The following LTBP2 variants were observed in gnomAD, a reference collection of about 807,000 sequenced individuals.
LTBP2 encodes latent transforming growth factor beta binding protein 2, also known as latent-transforming growth factor beta-binding protein 2.
Under a neutral mutation model 210.6 loss-of-function variants are expected in LTBP2, and 103 were observed. The ratio of observed to expected loss-of-function variants is 0.49; its 90% CI spans 0.42 to 0.58. The LOEUF (loss-of-function observed/expected upper bound fraction) is 0.58. Ranked by LOEUF, LTBP2 falls within the 20% of genes least tolerant of loss-of-function variation. LTBP2 has a pLI of 0.00. For missense variants in LTBP2, 2,313 were observed against 2,494.5 expected (o/e 0.93, Z 1.55); for synonymous variants, 1,007 against 1,015.0 (o/e 0.99, Z 0.15).
At chr14:74,514,384 G>A (rs2087108954) in intron 18 of LTBP2, among the ~76,000 whole-genome samples, 1 of 152,148 alleles carries the variant, frequency 6.6e-6, no homozygotes, top group Non-Finnish European at 1.5e-5. Context: ...TCATCTTTTT[G>A]GTATAAGGCT....
intron 2 of LTBP2, among the ~76,000 whole-genome samples, chr14:74,589,747 G>C (rs1303301442): frequency 6.6e-6 from 1 of 152,194 alleles, no homozygotes; most frequent in Admixed American, 6.5e-5. Flanking sequence ...AGTGAACATG[G>C]AGGAAGCAGA....
intron 15 of LTBP2, among the ~76,000 whole-genome samples, chr14:74,524,584 G>A (rs2087247880): frequency 6.6e-6 from 1 of 152,158 alleles, no homozygotes; most frequent in African/African-American, 2.4e-5. Flanking sequence ...AGAGCAAGGT[G>A]GATTTGCCAG....
intron 8 of LTBP2, among the ~76,000 whole-genome samples, chr14:74,548,358 C>T (rs1427010336): frequency 6.6e-6 from 1 of 152,092 alleles, no homozygotes; most frequent in Non-Finnish European, 1.5e-5. Context: ...CCTCTTCATT[C>T]CTGATGCCTA....
At position 74,502,881 on chromosome 14, in the gene LTBP2, C is replaced by T. The variant is rs370119182; in HGVS notation, c.4942G>A (p.Gly1648Arg). 4.3e-5 allele frequency: 69 copies of T among 1,613,408 alleles called. No homozygotes were observed. Among genetic ancestry groups the T allele is most frequent in the African/African-American group, 1.2e-4 (9 of 75,024 alleles). Residue 1648 changes from glycine (G) to arginine (R), a missense_variant, in exon 34 of 36, where the codon GGG becomes AGG. By Grantham distance (125) the Gly-to-Arg change is moderately radical. Transcript: ENST00000261978. Reference protein sequence around the residue: ...VARIEAEREAGVHFRPGYEYG... With the variant: ...VARIEAEREARVHFRPGYEYG... ...TCATAGCCTGGCCGGAAGTGGACCCCGGCCTCCCGCTCTGCCTCAATGCGA... is the reference window on the plus strand; with the variant it reads ...TCATAGCCTGGCCGGAAGTGGACCCTGGCCTCCCGCTCTGCCTCAATGCGA...
At chr14:74,536,372 G>A (rs565434081) in intron 8 of LTBP2, among the ~76,000 whole-genome samples, 1 of 152,160 alleles carries the variant, frequency 6.6e-6, no homozygotes, top group Non-Finnish European at 1.5e-5. Flanking sequence ...AGATACAGGA[G>A]GAATAAGTTC....
intron 1 of LTBP2, among the ~76,000 whole-genome samples, chr14:74,604,063 A>G (rs534989206): frequency 6.6e-6 from 1 of 150,636 alleles, no homozygotes; most frequent in South Asian, 2.2e-4. Flanking sequence ...AGAGAGGTTC[A>G]GTGACTTGCC....
intron 22 of LTBP2, 80 bp downstream of exon 22, chr14:74,509,158 C>T (rs939713467): frequency 6.2e-7 from 1 of 1,602,582 alleles, no homozygotes; most frequent in African/African-American, 1.3e-5. Flanking sequence ...GCCTCAGCAG[C>T]CCCCCACCTG....
intron 3 of LTBP2, among the ~76,000 whole-genome samples, chr14:74,585,563 G>A (rs1316777629): frequency 3.9e-5 from 6 of 152,190 alleles, no homozygotes; most frequent in Admixed American, 3.9e-4. Context: ...CCAAGAAGCC[G>A]TGGTCCCAGG....
At position 74,510,230 on chromosome 14, in the gene LTBP2, C is replaced by T; in HGVS notation, c.3029-17G>A. On this transcript the variant is annotated splice_polypyrimidine_tract_variant and intron_variant, in intron 19 of 35. Transcript: ENST00000261978. ...CATTCACATCTGTGGGAGAGAAGTC[C>T]AAGACGGTGGGCTGGCCTCCTCCCC... 1 of 1,612,676 alleles carries T rather than the reference C, an allele frequency of 6.2e-7. No homozygotes were observed. The highest frequency in any genetic ancestry group is 1.3e-5 in the African/African-American group (1 of 75,054).
intron 8 of LTBP2, among the ~76,000 whole-genome samples, chr14:74,536,889 TTTTA>T (rs898181766): frequency 6.6e-5 from 10 of 152,168 alleles, no homozygotes; most frequent in Admixed American, 2.0e-4. Context: ...TATATACAAT[TTTTA>T]TTTGTCAATT....
rs2087156351 is a variant in LTBP2 at position 74,518,020 on chromosome 14, C to T, written c.2789-1079G>A. On this transcript the variant is annotated intron_variant, in intron 17 of 35. Transcript: ENST00000261978. ...CAAGCCTTTGTTCACACAAATGCTT[C>T]CACCTGGAGTCTCTTTCCTCACGAT... is the stretch of plus-strand genomic sequence containing the variant. Among the ~76,000 whole-genome samples, 5 of 152,228 alleles carry T rather than the reference C, an allele frequency of 3.3e-5. No homozygotes were observed. In the South Asian group the frequency reaches 1.0e-3, roughly 31 times the overall value.
At position 74,553,047 on chromosome 14, in the gene LTBP2, T is replaced by C. The variant is rs2087681953; in HGVS notation, c.1037A>G (p.Glu346Gly). The C allele has an allele frequency of 6.2e-7, 1 of 1,613,988 alleles. No individual in the cohort carries two copies. The highest frequency in any genetic ancestry group is 1.3e-5 in the African/African-American group (1 of 74,884). Residue 346 changes from glutamate (E) to glycine (G), a missense_variant, in exon 5 of 36, where the codon GAG (glutamate) becomes GGG (glycine). This residue lies in a region of LTBP2 where 1,867 missense variants were observed against 1,976.9 expected (regional missense o/e 0.94). Coordinates refer to ENST00000261978, the MANE Select transcript of LTBP2 (RefSeq NM_000428.3). ...GACGATCTTGATCTTCTTGATTTTC[T>C]CCGTGAGGTTCAGCCCTGCAGAGAG... is the stretch of plus-strand genomic sequence containing the variant. ...PSSPWGLNLT[E>G]KIKKIKIVFT...
chr14:74,568,975 C>T (rs973980802), intron 3 of LTBP2, among the ~76,000 whole-genome samples: 8 of 152,110 alleles, frequency 5.3e-5, no homozygotes, highest in Non-Finnish European at 1.2e-4. Context: ...CCCTACCTAC[C>T]CCTATTACCC....
At chr14:74,578,887 C>T (rs2088098150) in intron 3 of LTBP2, among the ~76,000 whole-genome samples, 3 of 152,208 alleles carry the variant, frequency 2.0e-5, no homozygotes, top group Non-Finnish European at 4.4e-5. Context: ...CAGAGTTTTG[C>T]TCTTGTTGCC....
chr14:74,602,393 C>CAGCAGT (rs530409724), intron 2 of LTBP2, among the ~76,000 whole-genome samples: 4 of 152,030 alleles, frequency 2.6e-5, no homozygotes, highest in African/African-American at 9.7e-5. Context: ...GCAGTAGCAG[C>CAGCAGT]AGCAGTGACA....
intron 34 of LTBP2, 126 bp from the exon 35 acceptor site, chr14:74,501,716 G>C: frequency 8.5e-7 from 1 of 1,179,398 alleles, no homozygotes; most frequent in Non-Finnish European, 1.2e-6. Flanking sequence ...GGGCAGAGAG[G>C]ATCATAAAAT....
rs1327109579 is a variant in LTBP2 at position 74,508,742 on chromosome 14, G to A, written c.3527-13C>T. The A allele has an allele frequency of 6.2e-7, 1 of 1,613,546 alleles. No individual in the cohort carries two copies. The highest frequency in any genetic ancestry group is 8.5e-7 in the Non-Finnish European group (1 of 1,179,764). On this transcript the variant is annotated splice_polypyrimidine_tract_variant and intron_variant, in intron 23 of 35. Coordinates refer to ENST00000261978, the MANE Select transcript of LTBP2 (RefSeq NM_000428.3). Reference sequence around the variant, plus strand: ...CACTCATTCACATCTGCAGGGAAAAGATGGGGAGTGGGTGTCTGCTGGGGA... The same window carrying A: ...CACTCATTCACATCTGCAGGGAAAAAATGGGGAGTGGGTGTCTGCTGGGGA...
Position 74,511,294 on chromosome 14 carries a change from A to G in LTBP2, c.2979T>C (p.Thr993=), listed in dbSNP as rs767867217. 1.9e-6 allele frequency: 3 copies of G among 1,614,028 alleles called. No individual in the cohort carries two copies. The highest frequency in any genetic ancestry group is 2.5e-6 in the Non-Finnish European group (3 of 1,179,992). ...GGTAGCCCTCCTCACAGGCCAGACA[A>G]GTGTAGGAGCCAGGGGAATTGACGC... ...GRCVNSPGSY[T]CLACEEGYRG... is the part of the protein sequence containing the mutation. The change falls in exon 19 of 36, where the codon ACT becomes ACC. Residue 993 remains threonine (T), a synonymous_variant. Transcript: ENST00000261978.
intron 3 of LTBP2, among the ~76,000 whole-genome samples, chr14:74,576,662 A>C (rs896348541): frequency 6.6e-6 from 1 of 150,744 alleles, no homozygotes; most frequent in Non-Finnish European, 1.5e-5. Flanking sequence ...TGTCACAGAG[A>C]GTATGATATG....
Sources: allele counts gnomAD v4.1 joint callset (sites outside exome capture counted in the v4.1 genomes callset), GRCh38; gene constraint gnomAD v4.1.1; regional missense constraint gnomAD v4.1.1; transcripts MANE v1.5; gene names NCBI Gene and HGNC (gene_info 2026-07-23, HGNC 2026-07-21).